The following STK32B variants were observed in gnomAD, a reference collection of about 807,000 sequenced individuals.
STK32B encodes serine/threonine kinase 32B.
In STK32B, 43 loss-of-function variants were observed where a neutral mutation model predicts 52.6. That is an observed-to-expected ratio of 0.82 (90% CI 0.64 to 1.05). The LOEUF is 1.05. STK32B is among the 50% of genes least tolerant of loss of function. The probability of loss-of-function intolerance (pLI) is 0.00; values close to 1 mark genes in which losing one functional copy is unlikely to be tolerated. For missense variants in STK32B, 621 were observed against 534.6 expected (o/e 1.16, Z -1.59); for synonymous variants, 238 against 204.3 (o/e 1.17, Z -1.41).
chr4:5,288,851 C>G (rs1468391657), intron 3 of STK32B, among the ~76,000 whole-genome samples: 1 of 152,164 alleles, frequency 6.6e-6, no homozygotes, highest in East Asian at 1.9e-4. Flanking sequence ...TCTGTCAGCA[C>G]AAAACAACTA....
At chr4:5,304,138 T>A (rs907926521) in intron 3 of STK32B, among the ~76,000 whole-genome samples, 28 of 152,304 alleles carry the variant, frequency 1.8e-4, no homozygotes, top group African/African-American at 5.8e-4. Context: ...TTCTTTTGGC[T>A]TAGTCTTGCT....
At chr4:5,279,134 A>G (rs913764487) in intron 3 of STK32B, among the ~76,000 whole-genome samples, 3 of 152,218 alleles carry the variant, frequency 2.0e-5, no homozygotes, top group Admixed American at 2.0e-4. Context: ...GTCTTAACTC[A>G]TTCCAGCACT....
At chr4:5,249,441 A>ACCTACCTACCTT (rs1182902469) in intron 3 of STK32B, among the ~76,000 whole-genome samples, 190 of 137,414 alleles carry the variant, frequency 1.4e-3, no homozygotes, top group Non-Finnish European at 2.5e-3. Flanking sequence ...CTTCCTACCT[A>ACCTACCTACCTT]CCTTCCTTCC....
intron 6 of STK32B, among the ~76,000 whole-genome samples, chr4:5,434,874 G>T (rs1450268655): frequency 1.3e-5 from 2 of 152,150 alleles, no homozygotes; most frequent in African/African-American, 4.8e-5. Context: ...GCAACTATTG[G>T]CATTGTCAGT....
Position 5,416,927 on chromosome 4 carries a change from C to T in STK32B, c.555C>T (p.Pro185=), listed in dbSNP as rs1358302530. 1.9e-6 allele frequency: 3 copies of T among 1,612,538 alleles called. No individual in the cohort carries two copies. Among genetic ancestry groups the T allele is most frequent in the African/African-American group, 1.3e-5 (1 of 74,928 alleles). The change falls in exon 6 of 12, where the codon CCC becomes CCT. Residue 185 remains proline (P), a synonymous_variant. Transcript: ENST00000282908. ...ERASSMAGTK[P]YMAPEVFQVY... ...CTTCCTCCATGGCTGGCACCAAGCCCTACATGGGTGAGTGTTCCAGGCCCC... is the reference window on the plus strand; with the variant it reads ...CTTCCTCCATGGCTGGCACCAAGCCTTACATGGGTGAGTGTTCCAGGCCCC...
chr4:5,298,833 G>T (rs1394524582), intron 3 of STK32B, among the ~76,000 whole-genome samples: 1 of 143,666 alleles, frequency 7.0e-6, no homozygotes, highest in East Asian at 2.1e-4. Context: ...TGCCACTGGG[G>T]TATGCAAAAA....
intron 2 of STK32B, among the ~76,000 whole-genome samples, chr4:5,153,331 A>G (rs898485274): frequency 1.3e-5 from 2 of 152,014 alleles, no homozygotes; most frequent in East Asian, 3.9e-4. Flanking sequence ...GGCTCCTGCA[A>G]CCCTCCCTTT....
At chr4:5,316,684 TATA>T (rs1281745133) in intron 3 of STK32B, among the ~76,000 whole-genome samples, 1 of 1,290 alleles carries the variant, frequency 7.8e-4, no homozygotes, top group Non-Finnish European at 1.0e-3. Context: ...TATAATATAA[TATA>T]ATATATATCA....
chr4:5,281,677 C>T (rs1472318170), intron 3 of STK32B, among the ~76,000 whole-genome samples: 1 of 152,022 alleles, frequency 6.6e-6, no homozygotes, highest in Non-Finnish European at 1.5e-5. Flanking sequence ...ATGCTAAACT[C>T]AGCAACAAAG....
intron 3 of STK32B, among the ~76,000 whole-genome samples, chr4:5,194,912 A>G (rs917128441): frequency 8.5e-5 from 13 of 152,218 alleles, no homozygotes; most frequent in Non-Finnish European, 1.8e-4. Context: ...CAAGGACAGC[A>G]TCTAGGGGTG....
intron 7 of STK32B, among the ~76,000 whole-genome samples, chr4:5,452,294 C>G (rs554941267): frequency 2.6e-5 from 4 of 151,952 alleles, no homozygotes; most frequent in African/African-American, 9.7e-5. Context: ...GGGAGGTTGC[C>G]CAGAGCTCCG....
chr4:5,379,663 G>A (rs192867336), intron 4 of STK32B, among the ~76,000 whole-genome samples: 1 of 152,090 alleles, frequency 6.6e-6, no homozygotes, highest in South Asian at 2.1e-4. Flanking sequence ...GTGTCCTTAC[G>A]ACAAGAGGCC....
chr4:5,189,486 C>T (rs895799193), intron 3 of STK32B, among the ~76,000 whole-genome samples: 6 of 152,104 alleles, frequency 3.9e-5, no homozygotes, highest in African/African-American at 1.4e-4. Context: ...GGCTTGATAG[C>T]TCATTTCTTT....
intron 3 of STK32B, chr4:5,204,285 T>G (rs1009614037): frequency 2.6e-5 from 4 of 152,818 alleles, no homozygotes; most frequent in African/African-American, 9.6e-5. Flanking sequence ...TGTTCTGTGC[T>G]GGGACTGTGC....
intron 5 of STK32B, among the ~76,000 whole-genome samples, chr4:5,407,226 A>G (rs1402461208): frequency 6.6e-6 from 1 of 152,102 alleles, no homozygotes; most frequent in Non-Finnish European, 1.5e-5. Flanking sequence ...CCAGTTCCCA[A>G]TAGGTTCCTC....
chr4:5,446,604 C>T (rs1452607789), intron 6 of STK32B, 69 bp from the exon 7 acceptor site: 3 of 1,348,166 alleles, frequency 2.2e-6, no homozygotes, highest in South Asian at 1.2e-5. Context: ...TCTCCTTGTC[C>T]CCTCTCTAAG....
intron 1 of STK32B, among the ~76,000 whole-genome samples, chr4:5,057,121 G>T (rs1023577030): frequency 2.0e-5 from 3 of 152,220 alleles, no homozygotes; most frequent in Non-Finnish European, 2.9e-5. Context: ...GCGGCCATTT[G>T]TTGAATGGAA....
chr4:5,089,349 A>G (rs1331858127), intron 1 of STK32B, among the ~76,000 whole-genome samples: 3 of 151,750 alleles, frequency 2.0e-5, no homozygotes. Flanking sequence ...ACCCCATCCC[A>G]CAACAGGCCC....
upstream of STK32B, among the ~76,000 whole-genome samples, chr4:5,050,759 A>T (rs1445120792): frequency 6.6e-6 from 1 of 152,024 alleles, no homozygotes; most frequent in Non-Finnish European, 1.5e-5. Flanking sequence ...CATCTGCCGC[A>T]CCCCTTACTT....
Sources: allele counts gnomAD v4.1 joint callset (sites outside exome capture counted in the v4.1 genomes callset), GRCh38; gene constraint gnomAD v4.1.1; transcripts MANE v1.5; gene names NCBI Gene and HGNC (gene_info 2026-07-23, HGNC 2026-07-21).